Variants in OGN observed in about 807,000 individuals in gnomAD.
OGN encodes the protein mimecan.
A neutral mutation model predicts 30.8 loss-of-function variants in OGN; 19 were observed. The ratio of observed to expected loss-of-function variants is 0.62; its 90% CI spans 0.43 to 0.90. The LOEUF (loss-of-function observed/expected upper bound fraction) is 0.90, where lower values mean the gene tolerates loss of function less well. Among genes scored for constraint, OGN ranks in the 40% least tolerant of loss-of-function variants. The pLI is 0.00. For missense variants in OGN, 283 were observed against 349.7 expected (o/e 0.81, Z 1.52); for synonymous variants, 126 against 128.3 (o/e 0.98, Z 0.12).
At chr9:92,392,990 T>G (rs1256943902) in intron 4 of OGN, 96 bp downstream of exon 4, 1 of 952,154 alleles carries the variant, frequency 1.1e-6, no homozygotes, top group East Asian at 2.6e-5. Context: ...GTGACAAACC[T>G]GAATGTGATA....
rs764602148 is a variant in OGN, at chr9:92,404,528, T to C, written c.-108A>G. 3.9e-6 allele frequency: 5 copies of C among 1,298,416 alleles called. No individual in the cohort carries two copies. In the East Asian group the frequency reaches 2.3e-4, roughly 58 times the overall value. 80.4% of individuals were successfully genotyped at this position (1,298,416 alleles called of 1,614,324 possible). Reference sequence around the variant, plus strand: ...GCTGTTTTGAAGTTTTTTGTGGTTTTCCTCAATAGATGTTCATGTCTGTGC... The same window carrying C: ...GCTGTTTTGAAGTTTTTTGTGGTTTCCCTCAATAGATGTTCATGTCTGTGC... On this transcript the variant is annotated 5_prime_UTR_variant, in exon 1 of 7. Transcript: ENST00000375561.
rs1305987222 is a variant in OGN, at chr9:92,384,036, T to C, written c.*1584A>G. 1 of 152,200 alleles carries C rather than the reference T, an allele frequency of 6.6e-6. No homozygotes were observed. The highest frequency in any genetic ancestry group is 1.5e-5 in the Non-Finnish European group (1 of 68,016). 9.4% of individuals were successfully genotyped at this position (152,200 alleles called of 1,614,324 possible). Reference sequence around the variant, plus strand: ...AATTCAAATGTACTCACTATTGTGCTAGGCAATTGAAAGTAAAAAGTATAA... The same window carrying C: ...AATTCAAATGTACTCACTATTGTGCCAGGCAATTGAAAGTAAAAAGTATAA... On this transcript the variant is annotated 3_prime_UTR_variant, in exon 7 of 7. Coordinates refer to ENST00000375561, the MANE Select transcript of OGN (RefSeq NM_014057.5).
chr9:92,395,458 C>A (rs1842856077), intron 3 of OGN, among the ~76,000 whole-genome samples: 2 of 152,246 alleles, frequency 1.3e-5, no homozygotes, highest in South Asian at 4.2e-4. Flanking sequence ...CAGGTTTTCA[C>A]TATTTCAAAG....
intron 4 of OGN, among the ~76,000 whole-genome samples, chr9:92,390,676 A>C (rs1842641699): frequency 6.6e-6 from 1 of 152,118 alleles, no homozygotes. Context: ...ATGTTCTATA[A>C]AATTACCACA....
intron 3 of OGN, among the ~76,000 whole-genome samples, chr9:92,396,743 A>AT (rs1000849501): frequency 1.3e-5 from 2 of 151,838 alleles, no homozygotes; most frequent in African/African-American, 4.8e-5. Flanking sequence ...TCTTGGTTAA[A>AT]TTTTTTGTAG....
chr9:92,401,195 A>T lies in OGN; in HGVS notation c.175-10T>A. 1 of 1,281,244 alleles carries T rather than the reference A, an allele frequency of 7.8e-7. No homozygotes were observed. Among genetic ancestry groups the T allele is most frequent in the Non-Finnish European group, 1.1e-6 (1 of 886,024 alleles). 79.4% of individuals were successfully genotyped at this position (1,281,244 alleles called of 1,614,324 possible). A position where few individuals can be genotyped will look rare whatever the true frequency, so the allele number is the denominator to read the frequency against. On this transcript the variant is annotated splice_polypyrimidine_tract_variant and intron_variant, in intron 2 of 6. Coordinates refer to ENST00000375561, the MANE Select transcript of OGN (RefSeq NM_014057.5). ...TCACAGTTTCTTTTTCCTATTGGAA[A>T]AATAAAAGTTTGTTACCTAGCTTCA...
At position 92,383,605 on chromosome 9, in the gene OGN, A is replaced by G. The variant is rs778425575; in HGVS notation, c.*2015T>C. ...AATTATTTCGTCTGATATCTTCTGA[A>G]TCTTGGTGGTATAATTTGTATTGTT... On this transcript the variant is annotated 3_prime_UTR_variant, in exon 7 of 7. Coordinates refer to ENST00000375561, the MANE Select transcript of OGN (RefSeq NM_014057.5). Among the ~76,000 whole-genome samples, 63 of 152,216 alleles carry G rather than the reference A, an allele frequency of 4.1e-4. No individual in the cohort carries two copies. The highest frequency in any genetic ancestry group is 5.9e-4 in the Non-Finnish European group (40 of 67,988).
chr9:92,386,593 C>A (rs1159860187), intron 5 of OGN, among the ~76,000 whole-genome samples: 1 of 151,984 alleles, frequency 6.6e-6, no homozygotes, highest in African/African-American at 2.4e-5. Flanking sequence ...ACTTCTGGTA[C>A]TCTTTGTGTT....
chr9:92,389,927 G>A lies in OGN; in HGVS notation c.557C>T (p.Pro186Leu), dbSNP rs779711600. Residue 186 changes from proline to leucine, a missense_variant, in exon 5 of 7, where the codon CCT (proline) becomes CTT (leucine). Transcript: ENST00000375561. ...TGCATTAAATAAAGTGAGCTTGGGAGGAAGAACTGGAAGTTTTAGTAGTTG... is the reference window on the plus strand; with the variant it reads ...TGCATTAAATAAAGTGAGCTTGGGAAGAAGAACTGGAAGTTTTAGTAGTTG... Reference protein sequence around the residue: ...ENQLLKLPVLPPKLTLFNAKY... With the variant: ...ENQLLKLPVLLPKLTLFNAKY... 2 of 1,613,130 alleles carry A rather than the reference G, an allele frequency of 1.2e-6. No homozygotes were observed. The highest frequency in any genetic ancestry group is 1.7e-6 in the Non-Finnish European group (2 of 1,179,410).
intron 6 of OGN, 40 bp downstream of exon 6, chr9:92,386,161 A>G: frequency 4.9e-6 from 7 of 1,425,532 alleles, no homozygotes; most frequent in Non-Finnish European, 6.9e-6. Flanking sequence ...TTTGACTCAT[A>G]GGTAATTAGA....
Position 92,397,164 on chromosome 9 carries a change from G to A in OGN, c.269-3920C>T, listed in dbSNP as rs113750575. 1.2e-4 allele frequency among the ~76,000 whole-genome samples: 18 copies of A among 152,070 alleles called. 1 individual carries two copies. Among genetic ancestry groups the A allele is most frequent in the African/African-American group, 3.9e-4 (16 of 41,490 alleles). On this transcript the variant is annotated intron_variant, in intron 3 of 6. Transcript: ENST00000375561. ...TATACTCCAGCATGGGTAATAGAGC[G>A]AGACCCTGTCTAAAAAAACAAACAA...
rs1564292803 is a variant in OGN, at chr9:92,390,064, G to A, written c.428-8C>T. The A allele has an allele frequency of 2.0e-6, 3 of 1,499,462 alleles. No homozygotes were observed. The Admixed American group carries it at 5.8e-5, about 29-fold the overall frequency. The allele number at this position is 1,499,462 out of a possible 1,614,324, so 92.9% of individuals were successfully genotyped here. A position where few individuals can be genotyped will look rare whatever the true frequency, so the allele number is the denominator to read the frequency against. On this transcript the variant is annotated splice_polypyrimidine_tract_variant and splice_region_variant and intron_variant, in intron 4 of 6. Coordinates refer to ENST00000375561, the MANE Select transcript of OGN (RefSeq NM_014057.5). Reference sequence around the variant, plus strand: ...CGAGTCTTCTTAAGTTAGCTAGAGGGAAAAAAATATAAAAAACAACTACGT... The same window carrying A: ...CGAGTCTTCTTAAGTTAGCTAGAGGAAAAAAAATATAAAAAACAACTACGT...
intron 5 of OGN, among the ~76,000 whole-genome samples, chr9:92,388,878 A>C (rs1175038233): frequency 6.6e-6 from 1 of 152,026 alleles, no homozygotes; most frequent in Non-Finnish European, 1.5e-5. Flanking sequence ...AAGTCCTCTA[A>C]GAGTCCCTTA....
chr9:92,403,560 G>T (rs1331205440), intron 1 of OGN, 78 bp from the exon 2 acceptor site: 7 of 1,324,380 alleles, frequency 5.3e-6, no homozygotes, highest in Non-Finnish European at 6.7e-6. Context: ...CGCAGTAAGG[G>T]CCAGAGAACA....
intron 5 of OGN, 124 bp from the exon 6 acceptor site, chr9:92,386,420 C>T: frequency 1.6e-6 from 1 of 620,334 alleles, no homozygotes; most frequent in South Asian, 1.9e-5. Flanking sequence ...GATATGAATA[C>T]ATCAATTATA....
chr9:92,403,591 T>G, intron 1 of OGN, 109 bp from the exon 2 acceptor site: 1 of 1,227,044 alleles, frequency 8.1e-7, no homozygotes, highest in Non-Finnish European at 1.0e-6. Flanking sequence ...CTTAGTGATC[T>G]TTAATTAGAT....
At chr9:92,399,172 TGC>T (rs1448224840) in intron 3 of OGN, among the ~76,000 whole-genome samples, 1 of 152,220 alleles carries the variant, frequency 6.6e-6, no homozygotes, top group African/African-American at 2.4e-5. Context: ...GCCTTCCTGC[TGC>T]CGTGTATGAG....
intron 3 of OGN, among the ~76,000 whole-genome samples, chr9:92,399,344 TC>T (rs1305941373): frequency 6.6e-6 from 1 of 152,222 alleles, no homozygotes; most frequent in Non-Finnish European, 1.5e-5. Flanking sequence ...ATTTAAATCA[TC>T]TTGTGAACTG....
In OGN at chr9:92,385,417, A is replaced by T; in HGVS notation, c.*203T>A. On this transcript the variant is annotated 3_prime_UTR_variant, in exon 7 of 7. Transcript: ENST00000375561. ...TGTAATGCTGTTTAAATATTTTCAT[A>T]TTACTTTGTTTCGAACGTAGACATT... 1 of 494,844 alleles carries T rather than the reference A, an allele frequency of 2.0e-6. No individual in the cohort carries two copies. The highest frequency in any genetic ancestry group is 3.7e-5 in the Admixed American group (1 of 26,938). The allele number at this position is 494,844 out of a possible 1,614,324, so 30.7% of individuals were successfully genotyped here. A position where few individuals can be genotyped will look rare whatever the true frequency, so the allele number is the denominator to read the frequency against.
Sources: allele counts gnomAD v4.1 joint callset (sites outside exome capture counted in the v4.1 genomes callset), GRCh38; gene constraint gnomAD v4.1.1; transcripts MANE v1.5; gene names NCBI Gene and HGNC (gene_info 2026-07-23, HGNC 2026-07-21).